PLEKHM3: variants seen among roughly 807,000 people sequenced by gnomAD.
The protein encoded by PLEKHM3 is pleckstrin homology domain containing M3, also known as pleckstrin homology domain-containing family M member 3.
A neutral mutation model predicts 81.8 loss-of-function variants in PLEKHM3; 45 were observed. The observed-to-expected ratio is 0.55, with a 90% confidence interval of 0.43 to 0.71. The LOEUF is 0.71. Ranked by LOEUF, PLEKHM3 falls within the 30% of genes least tolerant of loss-of-function variation. PLEKHM3 has a pLI of 0.00. For synonymous variants in PLEKHM3, 352 were observed against 356.4 expected (o/e 0.99, Z 0.14); for missense variants, 788 against 924.3 (o/e 0.85, Z 1.91).
At position 207,930,926 on chromosome 2, in the gene PLEKHM3, C is replaced by T. The variant is rs1689570886; in HGVS notation, c.1886G>A (p.Arg629Lys). The T allele has an allele frequency of 6.2e-7, 1 of 1,612,542 alleles. No individual in the cohort carries two copies. Among genetic ancestry groups the T allele is most frequent in the African/African-American group, 1.3e-5 (1 of 74,890 alleles). ...GCCGTCTGAGATTTATGACTCTTACCTGCGGCGGAGATCCTCTGCCACCGC... is the reference window on the plus strand; with the variant it reads ...GCCGTCTGAGATTTATGACTCTTACTTGCGGCGGAGATCCTCTGCCACCGC... ...RAAVAEDLRR[R>K]IFPREYLLQQ... Residue 629 changes from arginine (R) to lysine (K), a missense_variant and splice_region_variant, in exon 5 of 8, where the codon AGA (arginine) becomes AAA (lysine). Arg to Lys is a conservative substitution (Grantham distance 26). Transcript: ENST00000427836.
chr2:207,878,468 C>A (rs2092570421), intron 6 of PLEKHM3, among the ~76,000 whole-genome samples: 1 of 152,098 alleles, frequency 6.6e-6, no homozygotes, highest in South Asian at 2.1e-4. Context: ...ATTAGCCAGG[C>A]ATAGTGGTGC....
rs902257407 is a variant in PLEKHM3 at position 207,822,505 on chromosome 2, G to A, written c.*5814C>T. On this transcript the variant is annotated 3_prime_UTR_variant, in exon 8 of 8. Coordinates refer to ENST00000427836, the MANE Select transcript of PLEKHM3 (RefSeq NM_001080475.3). The stretch of plus-strand genomic sequence containing the variant: ...CAAATAAACAAAAAGAGCGATTGAA[G>A]AACAGCATAAAACAAAGTGAAAACA... The A allele has an allele frequency of 1.3e-5, 2 of 152,992 alleles. No individual in the cohort carries two copies. The highest frequency in any genetic ancestry group is 2.9e-5 in the Non-Finnish European group (2 of 68,124). The allele number at this position is 152,992 out of a possible 1,614,324, so 9.5% of individuals were successfully genotyped here.
At chr2:207,854,878 C>T (rs563295733) in intron 7 of PLEKHM3, among the ~76,000 whole-genome samples, 12 of 152,280 alleles carry the variant, frequency 7.9e-5, no homozygotes, top group African/African-American at 2.4e-4. Flanking sequence ...ACCACAGCTA[C>T]CTTAGAGGAG....
intron 6 of PLEKHM3, among the ~76,000 whole-genome samples, chr2:207,868,147 T>C (rs527551740): frequency 1.3e-5 from 2 of 152,246 alleles, no homozygotes; most frequent in African/African-American, 4.8e-5. Context: ...TGGGGAAAAG[T>C]CCTAGAAACA....
At chr2:208,018,179 C>A (rs890152318) in intron 1 of PLEKHM3, among the ~76,000 whole-genome samples, 6 of 152,024 alleles carry the variant, frequency 3.9e-5, no homozygotes, top group Admixed American at 2.0e-4. Flanking sequence ...TCGAGACAAT[C>A]CTGGCCAACA....
chr2:208,021,962 C>T (rs1196678529), intron 1 of PLEKHM3, among the ~76,000 whole-genome samples: 1 of 152,148 alleles, frequency 6.6e-6, no homozygotes, highest in Non-Finnish European at 1.5e-5. Context: ...TAGGTTATTA[C>T]ATATGTTTTT....
In PLEKHM3 at chr2:207,960,978, T is replaced by C. The variant is rs185632232; in HGVS notation, c.1547-14466A>G. ...TATGTCACTTTTGGTTCAACTGATA[T>C]TTTCTAACATTTGAATTGTACATAG... is the stretch of plus-strand genomic sequence containing the variant. On this transcript the variant is annotated intron_variant, in intron 3 of 7. Transcript: ENST00000427836. Among the ~76,000 whole-genome samples, 154 of 152,334 alleles carry C rather than the reference T, an allele frequency of 1.0e-3. 1 individual carries two copies. Among genetic ancestry groups the C allele is most frequent in the African/African-American group, 3.5e-3 (147 of 41,580 alleles).
intron 5 of PLEKHM3, chr2:207,929,995 C>T (rs1689534574): frequency 5.9e-6 from 4 of 672,652 alleles, no homozygotes; most frequent in Non-Finnish European, 1.1e-5. Context: ...ACGCCATCAA[C>T]AATTATTTCA....
At chr2:207,939,861 G>C (rs1332837082) in intron 4 of PLEKHM3, among the ~76,000 whole-genome samples, 1 of 152,186 alleles carries the variant, frequency 6.6e-6, no homozygotes, top group Non-Finnish European at 1.5e-5. Context: ...GTACAGTGGA[G>C]AGCATGGCCT....
chr2:207,958,931 T>A (rs901091621), intron 3 of PLEKHM3, among the ~76,000 whole-genome samples: 3 of 151,668 alleles, frequency 2.0e-5, no homozygotes, highest in East Asian at 1.9e-4. Context: ...ATAATAATAA[T>A]AATAAAATAA....
intron 4 of PLEKHM3, among the ~76,000 whole-genome samples, chr2:207,932,501 C>A (rs1347410522): frequency 6.6e-6 from 1 of 151,044 alleles, no homozygotes; most frequent in Non-Finnish European, 1.5e-5. Context: ...AAAAACTTTG[C>A]TTATTAAAAA....
In PLEKHM3 at chr2:207,870,248, GA is replaced by G. The variant is rs534884718; in HGVS notation, c.1951-8987del. 2.6e-5 allele frequency among the ~76,000 whole-genome samples: 4 copies of G among 152,094 alleles called. No individual in the cohort carries two copies. In the South Asian group the frequency reaches 8.3e-4, roughly 31 times the overall value. Reference sequence around the variant, plus strand: ...GACAGAGAACTAGTAACCTGGGCAAGAAAAAAGAGAGGAAAAAGCTCTTTCT... The same window carrying G: ...GACAGAGAACTAGTAACCTGGGCAAGAAAAAGAGAGGAAAAAGCTCTTTCT... On this transcript the variant is annotated intron_variant, in intron 6 of 7. Coordinates refer to ENST00000427836, the MANE Select transcript of PLEKHM3 (RefSeq NM_001080475.3).
In PLEKHM3 at chr2:207,876,385, C is replaced by T. The variant is rs146798046; in HGVS notation, c.1951-15123G>A. Among the ~76,000 whole-genome samples the T allele has an allele frequency of 3.3e-5, 5 of 152,194 alleles. No individual in the cohort carries two copies. The East Asian group carries it at 9.6e-4, about 29-fold the overall frequency. On this transcript the variant is annotated intron_variant, in intron 6 of 7. Coordinates refer to ENST00000427836, the MANE Select transcript of PLEKHM3 (RefSeq NM_001080475.3). Reference sequence around the variant, plus strand: ...TAAACATTATAAAAATGTAGAAAGTCTCTATTTTTTTGGTTTTAGATGACC... The same window carrying T: ...TAAACATTATAAAAATGTAGAAAGTTTCTATTTTTTTGGTTTTAGATGACC...
At chr2:207,918,317 T>C (rs1689063636) in intron 5 of PLEKHM3, among the ~76,000 whole-genome samples, 1 of 152,120 alleles carries the variant, frequency 6.6e-6, no homozygotes, top group Non-Finnish European at 1.5e-5. Context: ...GGTCAGGAGA[T>C]CAAGACCTTC....
chr2:208,018,336 G>C lies in PLEKHM3; in HGVS notation c.-319+7053C>G, dbSNP rs1692999022. On this transcript the variant is annotated intron_variant, in intron 1 of 7. Coordinates refer to ENST00000427836, the MANE Select transcript of PLEKHM3 (RefSeq NM_001080475.3). ...TGCAGTGAGCCAAGATCATGCCACT[G>C]AACTCTGACCTGGCAACAGAGCAAG... 2.9e-5 allele frequency among the ~76,000 whole-genome samples: 4 copies of C among 135,776 alleles called. No homozygotes were observed. In the South Asian group the frequency reaches 9.3e-4, roughly 31 times the overall value. 89.1% of individuals were successfully genotyped at this position (135,776 alleles called of 152,430 possible).
chr2:207,904,871 C>G (rs1381568800), intron 6 of PLEKHM3, among the ~76,000 whole-genome samples: 2 of 152,154 alleles, frequency 1.3e-5, no homozygotes, highest in African/African-American at 2.4e-5. Context: ...TAAAACCAGA[C>G]AGAGGACAAT....
At chr2:207,959,934 T>C (rs976230878) in intron 3 of PLEKHM3, among the ~76,000 whole-genome samples, 1 of 152,254 alleles carries the variant, frequency 6.6e-6, no homozygotes, top group Non-Finnish European at 1.5e-5. Flanking sequence ...TCTTCCTTTA[T>C]TCTTTTCCCT....
intron 5 of PLEKHM3, among the ~76,000 whole-genome samples, chr2:207,909,682 TG>T (rs1298249998): frequency 3.3e-5 from 5 of 152,224 alleles, no homozygotes; most frequent in African/African-American, 1.2e-4. Context: ...TAGAATCACT[TG>T]GAGAGCTTTT....
intron 6 of PLEKHM3, among the ~76,000 whole-genome samples, chr2:207,887,620 A>G (rs1687920797): frequency 6.6e-6 from 1 of 152,228 alleles, no homozygotes; most frequent in Non-Finnish European, 1.5e-5. Flanking sequence ...CTCATCAGTA[A>G]ACAATCAAAT....
Sources: allele counts gnomAD v4.1 joint callset (sites outside exome capture counted in the v4.1 genomes callset), GRCh38; gene constraint gnomAD v4.1.1; transcripts MANE v1.5; gene names NCBI Gene and HGNC (gene_info 2026-07-23, HGNC 2026-07-21).